Variants in PMFBP1 observed in about 807,000 individuals in gnomAD.
PMFBP1 encodes the protein polyamine modulated factor 1 binding protein 1.
PMFBP1 carries 131 observed loss-of-function variants against 137.8 expected under a neutral mutation model. The observed-to-expected ratio is 0.95, with a 90% confidence interval of 0.82 to 1.10. The LOEUF (loss-of-function observed/expected upper bound fraction) is 1.10, where lower values mean the gene tolerates loss of function less well. Ranked by LOEUF, PMFBP1 falls within the 50% of genes least tolerant of loss-of-function variation. The pLI is 0.00. For synonymous variants in PMFBP1, 490 were observed against 450.4 expected (o/e 1.09, Z -1.11); for missense variants, 1,199 against 1,175.4 (o/e 1.02, Z -0.29).
the PMFBP1 span, among the ~76,000 whole-genome samples, chr16:72,212,203 T>C: frequency 7.9e-5 from 12 of 151,918 alleles, no homozygotes; most frequent in Admixed American, 3.3e-4. Context: ...TATTAGAAGG[T>C]CCAGCTCAAG....
intron 18 of PMFBP1, among the ~76,000 whole-genome samples, 159 bp from the exon 19 acceptor site, chr16:72,123,147 A>G (rs778059100): frequency 6.6e-6 from 1 of 152,160 alleles, no homozygotes; most frequent in Non-Finnish European, 1.5e-5. Flanking sequence ...CCTTCCTAGC[A>G]CCTGGGGATT....
At chr16:72,158,005 G>A (rs1294586467) in intron 3 of PMFBP1, among the ~76,000 whole-genome samples, 1 of 152,208 alleles carries the variant, frequency 6.6e-6, no homozygotes, top group African/African-American at 2.4e-5. Context: ...GATTAATTCA[G>A]TAAGAGCTGG....
chr16:72,143,111 A>G (rs2042747752), intron 5 of PMFBP1, among the ~76,000 whole-genome samples: 3 of 152,250 alleles, frequency 2.0e-5, no homozygotes, highest in Non-Finnish European at 4.4e-5. Flanking sequence ...AACATCTGAT[A>G]AAATTCAACA....
chr16:72,196,743 A>G, the PMFBP1 span, among the ~76,000 whole-genome samples: 4 of 152,110 alleles, frequency 2.6e-5, no homozygotes, highest in Non-Finnish European at 5.9e-5. Context: ...CACAACCATC[A>G]ATCCACTCTT....
At chr16:72,152,038 A>G (rs1195475497) in intron 4 of PMFBP1, among the ~76,000 whole-genome samples, 12 of 152,142 alleles carry the variant, frequency 7.9e-5, no homozygotes, top group Non-Finnish European at 1.6e-4. Context: ...CAAGCAAGCA[A>G]TCTACTCAAT....
chr16:72,139,498 G>C, intron 6 of PMFBP1, 99 bp from the exon 7 acceptor site: 1 of 977,188 alleles, frequency 1.0e-6, no homozygotes, highest in Non-Finnish European at 1.6e-6. Context: ...GCATAAGTTT[G>C]TTGCAGAATT....
At chr16:72,158,149 C>T (rs1309082688) in intron 3 of PMFBP1, among the ~76,000 whole-genome samples, 5 of 152,118 alleles carry the variant, frequency 3.3e-5, no homozygotes, top group African/African-American at 1.2e-4. Flanking sequence ...CCTTTCCAGG[C>T]TCTCTTGGAA....
At chr16:72,121,563 G>A (rs985302479) in intron 19 of PMFBP1, among the ~76,000 whole-genome samples, 2 of 152,236 alleles carry the variant, frequency 1.3e-5, no homozygotes, top group Admixed American at 6.5e-5. Flanking sequence ...GCCCTTGGGG[G>A]CAGGCTCTGA....
chr16:72,134,880 A>G (rs1011000329), intron 9 of PMFBP1, among the ~76,000 whole-genome samples: 3 of 152,164 alleles, frequency 2.0e-5, no homozygotes, highest in Admixed American at 6.5e-5. Flanking sequence ...TGGGTATATC[A>G]GTATTATATA....
At chr16:72,126,799 G>C (rs1343988491) in intron 14 of PMFBP1, among the ~76,000 whole-genome samples, 2 of 152,212 alleles carry the variant, frequency 1.3e-5, no homozygotes, top group Non-Finnish European at 2.9e-5. Flanking sequence ...ATAGTTAAAA[G>C]GAAGTTGGGA....
At chr16:72,205,275 G>A in the PMFBP1 span, among the ~76,000 whole-genome samples, 1 of 152,388 alleles carries the variant, frequency 6.6e-6, no homozygotes, top group East Asian at 1.9e-4. Context: ...AAGCGTTGGT[G>A]TGGTGCTGTG....
At chr16:72,205,769 T>G in the PMFBP1 span, among the ~76,000 whole-genome samples, 1 of 152,084 alleles carries the variant, frequency 6.6e-6, no homozygotes, top group South Asian at 2.1e-4. Flanking sequence ...CACACTTTGG[T>G]CCACTCTGCT....
At chr16:72,240,937 G>C in the PMFBP1 span, among the ~76,000 whole-genome samples, 1 of 151,192 alleles carries the variant, frequency 6.6e-6, no homozygotes, top group African/African-American at 2.4e-5. Flanking sequence ...GAGAGACAGG[G>C]AGAGCGTGCA....
chr16:72,178,641 T>C (rs2043266407), upstream of PMFBP1, among the ~76,000 whole-genome samples: 1 of 152,218 alleles, frequency 6.6e-6, no homozygotes, highest in Non-Finnish European at 1.5e-5. Flanking sequence ...ATTTATTTTG[T>C]TGCTCAAATG....
At chr16:72,197,703 G>C in the PMFBP1 span, among the ~76,000 whole-genome samples, 1 of 152,158 alleles carries the variant, frequency 6.6e-6, no homozygotes, top group Admixed American at 6.5e-5. Context: ...CTTTGTGGCT[G>C]AGGAGAGAGT....
Position 72,130,696 on chromosome 16 carries a change from C to A in PMFBP1, c.1474G>T (p.Glu492Ter). Residue 492 changes from glutamate (E) to a stop codon, truncating the protein, a stop_gained, in exon 11 of 21, where the codon GAG becomes TAG. Transcript: ENST00000237353. LOFTEE classifies it high-confidence loss of function. The stretch of plus-strand genomic sequence containing the variant: ...AGGTGACAGCCTGCCAGTGCAGCCT[C>A]TTCTTTGCACTGGGCTGCTTGCTGA... The part of the protein sequence containing the change: ...AAQQAAQCKE[E>*]AALAGCHLED... 1.9e-6 allele frequency: 3 copies of A among 1,613,236 alleles called. No individual in the cohort carries two copies. Among genetic ancestry groups the A allele is most frequent in the Non-Finnish European group, 2.5e-6 (3 of 1,179,942 alleles).
At chr16:72,232,895 C>T in the PMFBP1 span, among the ~76,000 whole-genome samples, 1 of 152,028 alleles carries the variant, frequency 6.6e-6, no homozygotes, top group Non-Finnish European at 1.5e-5. Context: ...AGTCTGGTGT[C>T]AGAGGCAGAC....
At position 72,123,770 on chromosome 16, in the gene PMFBP1, C is replaced by T. The variant is rs538943760; in HGVS notation, c.2590-121G>A. The T allele has an allele frequency of 8.2e-4, 701 of 859,604 alleles. 7 individuals are homozygous for T. In the South Asian group the frequency reaches 0.012, roughly 14 times the overall value. The allele number at this position is 859,604 out of a possible 1,614,324, so 53.2% of individuals were successfully genotyped here. On this transcript the variant is annotated intron_variant, in intron 17 of 20. Transcript: ENST00000237353. ...GAAAACTTGACTCTGCTGTCCAACC[C>T]GAGGCCAGAGTTGTGGAGTTGCCAC... is the stretch of plus-strand genomic sequence containing the variant.
At chr16:72,248,296 G>A in the PMFBP1 span, among the ~76,000 whole-genome samples, 5 of 152,180 alleles carry the variant, frequency 3.3e-5, no homozygotes, top group African/African-American at 1.2e-4. Context: ...TTAAATCAGT[G>A]TTCCAGTAAG....
Sources: allele counts gnomAD v4.1 joint callset (sites outside exome capture counted in the v4.1 genomes callset), GRCh38; gene constraint gnomAD v4.1.1; transcripts MANE v1.5; gene names NCBI Gene and HGNC (gene_info 2026-07-23, HGNC 2026-07-21).